The following MACROD2 variants were observed in gnomAD, a reference collection of about 807,000 sequenced individuals.
MACROD2 encodes mono-ADP ribosylhydrolase 2, also known as ADP-ribose glycohydrolase MACROD2.
MACROD2 carries 36 observed loss-of-function variants against 70.4 expected under a neutral mutation model. The observed-to-expected ratio is 0.51, with a 90% confidence interval of 0.39 to 0.68. The LOEUF (loss-of-function observed/expected upper bound fraction) is 0.68, where lower values mean the gene tolerates loss of function less well. Ranked by LOEUF, MACROD2 falls within the 30% of genes least tolerant of loss-of-function variation. MACROD2 has a pLI of 0.00. For synonymous variants in MACROD2, 172 were observed against 178.8 expected (o/e 0.96, Z 0.30); for missense variants, 496 against 538.4 (o/e 0.92, Z 0.78).
At chr20:14,955,985 A>C (rs1263293668) in intron 5 of MACROD2, among the ~76,000 whole-genome samples, 1 of 152,126 alleles carries the variant, frequency 6.6e-6, no homozygotes, top group African/African-American at 2.4e-5. Context: ...CTGAAAAGAA[A>C]GAATTCTTAC....
chr20:15,455,301 G>T (rs2046709617), intron 7 of MACROD2, among the ~76,000 whole-genome samples: 1 of 152,166 alleles, frequency 6.6e-6, no homozygotes, highest in Non-Finnish European at 1.5e-5. Flanking sequence ...GTGCATATTG[G>T]TCCTACCTCT....
At chr20:15,393,522 C>T (rs918382590) in intron 6 of MACROD2, among the ~76,000 whole-genome samples, 3 of 152,120 alleles carry the variant, frequency 2.0e-5, no homozygotes, top group African/African-American at 7.2e-5. Flanking sequence ...CTCAATTTTG[C>T]ACCTCTATTT....
At chr20:15,523,852 T>C (rs1008493489) in intron 8 of MACROD2, among the ~76,000 whole-genome samples, 13 of 152,164 alleles carry the variant, frequency 8.5e-5, no homozygotes, top group Admixed American at 7.9e-4. Context: ...GTTCTGAGCT[T>C]GTGTAGCTAT....
chr20:14,130,931 T>G (rs900267978), intron 3 of MACROD2, among the ~76,000 whole-genome samples: 6 of 46,298 alleles, frequency 1.3e-4, no homozygotes, highest in Non-Finnish European at 1.4e-4. Context: ...GTTTTTTTTG[T>G]TTTTTTTTTT....
intron 6 of MACROD2, among the ~76,000 whole-genome samples, chr20:15,405,213 G>A (rs1360768047): frequency 2.0e-5 from 3 of 151,322 alleles, no homozygotes; most frequent in African/African-American, 7.3e-5. Context: ...CAGAGGTGGT[G>A]GTGGTTGCAC....
At chr20:14,778,007 G>A (rs150196636) in intron 5 of MACROD2, among the ~76,000 whole-genome samples, 3 of 152,208 alleles carry the variant, frequency 2.0e-5, no homozygotes, top group African/African-American at 7.2e-5. Flanking sequence ...TGAGCTTGAG[G>A]CCTGACACGC....
intron 4 of MACROD2, among the ~76,000 whole-genome samples, chr20:14,648,440 G>T (rs745451654): frequency 6.6e-6 from 1 of 152,042 alleles, no homozygotes; most frequent in Non-Finnish European, 1.5e-5. Flanking sequence ...GTATTAATTT[G>T]GAAAAAGTCA....
chr20:14,789,698 A>G (rs2072426100), intron 5 of MACROD2, among the ~76,000 whole-genome samples: 1 of 150,804 alleles, frequency 6.6e-6, no homozygotes, highest in South Asian at 2.1e-4. Context: ...TTGTTCTCGA[A>G]CTCCTGACCT....
chr20:15,272,528 A>G (rs970681844), intron 6 of MACROD2, among the ~76,000 whole-genome samples: 15 of 152,174 alleles, frequency 9.9e-5, no homozygotes, highest in Non-Finnish European at 7.4e-5. Flanking sequence ...CTTTTTTGCT[A>G]TTTATAATAG....
At chr20:14,832,403 C>A (rs2072981519) in intron 5 of MACROD2, among the ~76,000 whole-genome samples, 1 of 151,754 alleles carries the variant, frequency 6.6e-6, no homozygotes, top group African/African-American at 2.4e-5. Flanking sequence ...GAGGGAGGTA[C>A]AGAGGAGGGG....
chr20:14,008,935 T>C (rs1233615766), intron 2 of MACROD2, among the ~76,000 whole-genome samples: 5 of 152,194 alleles, frequency 3.3e-5, no homozygotes, highest in African/African-American at 1.2e-4. Context: ...AAATTGAAAC[T>C]GGACCCCTTC....
At chr20:15,605,180 A>T (rs2048875556) in intron 8 of MACROD2, among the ~76,000 whole-genome samples, 1 of 152,142 alleles carries the variant, frequency 6.6e-6, no homozygotes, top group African/African-American at 2.4e-5. Flanking sequence ...TCTACCTACA[A>T]GGCAACTTAT....
Position 15,497,666 on chromosome 20 carries a change from C to T in MACROD2, c.572-2108C>T, listed in dbSNP as rs115715371. Among the ~76,000 whole-genome samples, 444 of 152,266 alleles carry T rather than the reference C, an allele frequency of 2.9e-3. 6 individuals carry two copies. Among genetic ancestry groups the T allele is most frequent in the African/African-American group, 0.01 (434 of 41,544 alleles). On this transcript the variant is annotated intron_variant, in intron 7 of 17. Transcript: ENST00000684519. ...TCCCGTTCATTTTTCCTAACCTTTC[C>T]CATTGATTCCTCGGGACTCACAGCT...
At chr20:14,610,081 G>A (rs1360986095) in intron 4 of MACROD2, among the ~76,000 whole-genome samples, 1 of 152,044 alleles carries the variant, frequency 6.6e-6, no homozygotes, top group Non-Finnish European at 1.5e-5. Flanking sequence ...AAATGTTCTG[G>A]TCCCTGCTTT....
chr20:14,137,412 G>A (rs1474199158), intron 3 of MACROD2, among the ~76,000 whole-genome samples: 1 of 152,122 alleles, frequency 6.6e-6, no homozygotes, highest in Admixed American at 6.5e-5. Context: ...ATGTTTTCAT[G>A]TTACTAACCA....
intron 8 of MACROD2, among the ~76,000 whole-genome samples, chr20:15,581,947 C>A (rs1393890246): frequency 6.6e-6 from 1 of 152,132 alleles, no homozygotes; most frequent in Non-Finnish European, 1.5e-5. Context: ...CATGGGGAAA[C>A]CCCGTCTCTA....
At chr20:14,440,281 G>C (rs908324138) in intron 3 of MACROD2, among the ~76,000 whole-genome samples, 39 of 152,076 alleles carry the variant, frequency 2.6e-4, no homozygotes, top group African/African-American at 7.7e-4. Context: ...GGTCACAATG[G>C]CTTTGAATGT....
At chr20:14,429,102 A>G (rs1399428288) in intron 3 of MACROD2, among the ~76,000 whole-genome samples, 1 of 152,222 alleles carries the variant, frequency 6.6e-6, no homozygotes, top group Non-Finnish European at 1.5e-5. Context: ...TTGAGGGTTC[A>G]GCTTAACCTT....
chr20:14,420,510 T>A (rs1158843151), intron 3 of MACROD2, among the ~76,000 whole-genome samples: 1 of 152,114 alleles, frequency 6.6e-6, no homozygotes, highest in African/African-American at 2.4e-5. Flanking sequence ...TGGCCATTCG[T>A]GTATCTTCTC....
Sources: allele counts gnomAD v4.1 joint callset (sites outside exome capture counted in the v4.1 genomes callset), GRCh38; gene constraint gnomAD v4.1.1; transcripts MANE v1.5; gene names NCBI Gene and HGNC (gene_info 2026-07-23, HGNC 2026-07-21).